Variants in POLK observed in about 807,000 individuals in gnomAD.
POLK encodes polymerase (DNA directed) kappa.
In POLK, 76 loss-of-function variants were observed where a neutral mutation model predicts 94.0. The observed-to-expected ratio is 0.81, with a 90% CI of 0.67 to 0.98. The LOEUF (loss-of-function observed/expected upper bound fraction) is 0.98, where lower values mean the gene tolerates loss of function less well. Among genes scored for constraint, POLK ranks in the 50% least tolerant of loss-of-function variants. The pLI, the probability that POLK is intolerant of heterozygous loss-of-function variation, is 0.00. For synonymous variants in POLK, 349 were observed against 325.4 expected, an observed-to-expected ratio of 1.07 and a Z score of -0.78; for missense variants, 954 against 1,010.1, an observed-to-expected ratio of 0.94 and a Z score of 0.75.
chr5:75,609,611 C>T, the POLK span: 2 of 151,960 alleles, frequency 1.3e-5, no homozygotes, highest in African/African-American at 4.8e-5. Flanking sequence ...AATTTGGTGC[C>T]CTGTTTTTCC....
At chr5:75,543,163 C>T (rs555431325) in intron 1 of POLK, among the ~76,000 whole-genome samples, 3 of 151,782 alleles carry the variant, frequency 2.0e-5, no homozygotes, top group South Asian at 4.2e-4. Flanking sequence ...CTGTCTCAGC[C>T]TCCTGAGTAG....
At chr5:75,577,373 A>G (rs1415931249) in intron 6 of POLK, among the ~76,000 whole-genome samples, 1 of 151,972 alleles carries the variant, frequency 6.6e-6, no homozygotes, top group African/African-American at 2.4e-5. Context: ...TCTAATTATT[A>G]TAGCAATTAT....
At chr5:75,579,359 A>T (rs921088522) in intron 6 of POLK, among the ~76,000 whole-genome samples, 11 of 148,988 alleles carry the variant, frequency 7.4e-5, no homozygotes, top group South Asian at 2.1e-4. Flanking sequence ...CACAGTCTTT[A>T]TTTTTTTTTT....
At chr5:75,565,403 C>G (rs529323724) in intron 3 of POLK, among the ~76,000 whole-genome samples, 1 of 152,246 alleles carries the variant, frequency 6.6e-6, no homozygotes, top group South Asian at 2.1e-4. Context: ...AACTCATTCT[C>G]CATCCAGTTT....
exon 1 of POLK, chr5:75,511,761 C>T (rs1365991370): frequency 1.3e-6 from 2 of 1,551,384 alleles, no homozygotes; most frequent in East Asian, 2.4e-5. Context: ...AACCCTACCT[C>T]CGGCTCTCCC....
At chr5:75,548,490 TTA>T (rs1770165507) in intron 2 of POLK, among the ~76,000 whole-genome samples, 1 of 149,736 alleles carries the variant, frequency 6.7e-6, no homozygotes, top group African/African-American at 2.4e-5. Context: ...TATTAATGTG[TTA>T]TGTGTATTAA....
intron 2 of POLK, among the ~76,000 whole-genome samples, chr5:75,548,431 A>AT (rs1391356138): frequency 1.3e-5 from 2 of 150,646 alleles, no homozygotes; most frequent in Non-Finnish European, 1.5e-5. Context: ...GAATTCTTTA[A>AT]TTTTTTTACC....
At chr5:75,536,158 A>T (rs1027720967) in intron 1 of POLK, among the ~76,000 whole-genome samples, 1 of 151,686 alleles carries the variant, frequency 6.6e-6, no homozygotes, top group African/African-American at 2.4e-5. Flanking sequence ...GGATTTGATT[A>T]TGGTATAAGG....
At chr5:75,546,145 T>A (rs1030453179) in intron 1 of POLK, among the ~76,000 whole-genome samples, 2 of 152,222 alleles carry the variant, frequency 1.3e-5, no homozygotes, top group Non-Finnish European at 2.9e-5. Flanking sequence ...AATAGCCTAT[T>A]GTAAACTGGA....
intron 3 of POLK, among the ~76,000 whole-genome samples, chr5:75,559,036 G>T (rs1326674891): frequency 2.0e-5 from 3 of 152,164 alleles, no homozygotes; most frequent in African/African-American, 7.2e-5. Context: ...AACAGGAATG[G>T]CAGGAAACGT....
At chr5:75,547,541 T>C (rs1019798508) in intron 2 of POLK, among the ~76,000 whole-genome samples, 2 of 152,190 alleles carry the variant, frequency 1.3e-5, no homozygotes, top group Non-Finnish European at 2.9e-5. Context: ...ATAATGTAAT[T>C]TATTGAACCA....
chr5:75,513,544 TGTGTA>T lies in POLK; in HGVS notation c.-14+1632_-14+1636del, dbSNP rs1768174363. Among the ~76,000 whole-genome samples, 2 of 152,190 alleles carry T rather than the reference TGTGTA, an allele frequency of 1.3e-5. 1 individual carries two copies. Among genetic ancestry groups the T allele is most frequent in the South Asian group, 4.1e-4 (2 of 4,834 alleles). ...ATTTCAGAAATGGAATTTCAAAGGG[TGTGTA>T]GGCCACCCTTTTTATCCTGTTTCCT... On this transcript the variant is annotated intron_variant, in intron 1 of 14. Coordinates refer to ENST00000241436, the Ensembl canonical transcript of POLK.
intron 1 of POLK, among the ~76,000 whole-genome samples, chr5:75,526,174 A>G (rs1464105585): frequency 1.3e-5 from 2 of 152,210 alleles, no homozygotes; most frequent in East Asian, 1.9e-4. Context: ...TTTTTGTTCA[A>G]CTGTAGAGAG....
At position 75,596,453 on chromosome 5, in the gene POLK, C is replaced by T. The variant is rs199874440; in HGVS notation, c.1760C>T (p.Ala587Val). 1.7e-5 allele frequency: 27 copies of T among 1,613,426 alleles called. No individual in the cohort carries two copies. In the East Asian group the frequency reaches 5.1e-4, roughly 31 times the overall value. ...CACCAAGATACATTTAAATGTGAAG[C>T]CGTGAATAAACAAAGTTTCCAGACA... Residue 587 changes from alanine to valine, a missense_variant, in exon 13 of 15, where the codon GCC (alanine) becomes GTC (valine). Physicochemically the swap from Ala to Val is moderately conservative, Grantham distance 64 (BLOSUM62 0). Transcript: ENST00000241436.
intron 1 of POLK, among the ~76,000 whole-genome samples, chr5:75,525,505 C>T (rs1380825486): frequency 6.6e-6 from 1 of 151,962 alleles, no homozygotes; most frequent in Non-Finnish European, 1.5e-5. Context: ...AAAACAACAA[C>T]AACAACAGAA....
chr5:75,576,809 C>T, exon 6 of POLK: 1 of 1,518,522 alleles, frequency 6.6e-7, no homozygotes, highest in South Asian at 1.4e-5. Flanking sequence ...ATTATGATCC[C>T]AATTTTATGG....
At chr5:75,583,483 C>A in intron 8 of POLK, 66 bp downstream of exon 8, 3 of 889,852 alleles carry the variant, frequency 3.4e-6, no homozygotes, top group Non-Finnish European at 5.0e-6. Flanking sequence ...CTGTGTAGGC[C>A]AATAGTTAAT....
At chr5:75,580,081 C>T (rs1054772921) in intron 6 of POLK, among the ~76,000 whole-genome samples, 1 of 151,550 alleles carries the variant, frequency 6.6e-6, no homozygotes, top group African/African-American at 2.4e-5. Flanking sequence ...ACTTACTTCA[C>T]ACTACATATT....
chr5:75,549,433 A>G (rs1770224193), intron 2 of POLK, among the ~76,000 whole-genome samples: 1 of 151,736 alleles, frequency 6.6e-6, no homozygotes, highest in Non-Finnish European at 1.5e-5. Context: ...ATCTGCTAGC[A>G]CAATTTCTTT....
Sources: gnomAD v4.1 joint callset for allele counts (sites outside exome capture counted in the v4.1 genomes callset) on GRCh38, gnomAD v4.1.1 for gene constraint, MANE v1.5 for transcripts, NCBI Gene and HGNC (gene_info 2026-07-23, HGNC 2026-07-21) for gene names.